PRKN: variants seen among roughly 807,000 people sequenced by gnomAD.
PRKN encodes the protein E3 ubiquitin-protein ligase parkin.
PRKN carries 56 observed loss-of-function variants against 59.5 expected under a neutral mutation model. The observed-to-expected ratio is 0.94, with a 90% confidence interval of 0.76 to 1.18. PRKN has a LOEUF of 1.18. PRKN is among the 50% of genes most tolerant of loss of function. The pLI, the probability that PRKN is intolerant of heterozygous loss-of-function variation, is 0.00. For synonymous variants in PRKN, 250 were observed against 222.1 expected, an observed-to-expected ratio of 1.13 and a Z score of -1.12; for missense variants, 657 against 596.4, an observed-to-expected ratio of 1.10 and a Z score of -1.06.
chr6:161,702,004 C>T (rs577288642), intron 7 of PRKN, among the ~76,000 whole-genome samples: 18 of 152,296 alleles, frequency 1.2e-4, no homozygotes, highest in Admixed American at 7.2e-4. Flanking sequence ...TGCACTTTTA[C>T]TTAGCTTATT....
chr6:161,389,740 C>A (rs1348919038), intron 9 of PRKN, among the ~76,000 whole-genome samples: 1 of 152,198 alleles, frequency 6.6e-6, no homozygotes, highest in Non-Finnish European at 1.5e-5. Flanking sequence ...CCACTGCTTT[C>A]TAGAGAAGCA....
chr6:162,659,939 TATC>T (rs1778813249), intron 1 of PRKN, among the ~76,000 whole-genome samples: 1 of 152,152 alleles, frequency 6.6e-6, no homozygotes, highest in Admixed American at 6.5e-5. Flanking sequence ...TTATTTGTCA[TATC>T]ATTATGAAAC....
At chr6:162,555,998 A>AAAAAAAAAAAAAC (rs1779552168) in intron 1 of PRKN, among the ~76,000 whole-genome samples, 1 of 151,340 alleles carries the variant, frequency 6.6e-6, no homozygotes, top group South Asian at 2.1e-4. Flanking sequence ...AAAAAAAAAA[A>AAAAAAAAAAAAAC]AGTGAGAAAA....
At chr6:162,326,744 T>C (rs1165889319) in intron 2 of PRKN, among the ~76,000 whole-genome samples, 1 of 152,170 alleles carries the variant, frequency 6.6e-6, no homozygotes, top group Non-Finnish European at 1.5e-5. Flanking sequence ...AACACTAATT[T>C]ACTGAACTTA....
chr6:162,200,146 C>T (rs1404227170), intron 4 of PRKN, among the ~76,000 whole-genome samples: 1 of 152,146 alleles, frequency 6.6e-6, no homozygotes, highest in East Asian at 1.9e-4. Flanking sequence ...TATTTACCCA[C>T]ACTTGCACAC....
In PRKN at chr6:161,766,314, A is replaced by ATTTTTT. The variant is rs758294050; in HGVS notation, c.871+19452_871+19457dup. Among the ~76,000 whole-genome samples the ATTTTTT allele has an allele frequency of 1.8e-4, 25 of 139,636 alleles. 3 individuals carry two copies. The highest frequency in any genetic ancestry group is 1.7e-4 in the Non-Finnish European group (11 of 65,008). 91.6% of individuals were successfully genotyped at this position (139,636 alleles called of 152,430 possible). On this transcript the variant is annotated intron_variant, in intron 7 of 11. Coordinates refer to ENST00000366898, the MANE Select transcript of PRKN (RefSeq NM_004562.3). ...ACTTATGCCTGCTGTCATTGACCAC[A>ATTTTTT]TTTTTTTTTTTTTAGACAGAGTCTC...
chr6:161,564,334 C>T, intron 8 of PRKN, among the ~76,000 whole-genome samples: 1 of 152,176 alleles, frequency 6.6e-6, no homozygotes, highest in East Asian at 1.9e-4. Context: ...CCTGTTCCAT[C>T]TCTCCAGGCT....
chr6:161,833,563 C>T (rs1385651244), intron 6 of PRKN, among the ~76,000 whole-genome samples: 4 of 152,206 alleles, frequency 2.6e-5, no homozygotes, highest in Middle Eastern at 3.4e-3. Flanking sequence ...TTCATTGGTG[C>T]GAACAATACC....
At chr6:161,685,598 T>G (rs980323485) in intron 7 of PRKN, among the ~76,000 whole-genome samples, 1 of 151,924 alleles carries the variant, frequency 6.6e-6, no homozygotes, top group Non-Finnish European at 1.5e-5. Context: ...TTTAAAAGAG[T>G]GTTTGGAGCT....
intron 7 of PRKN, among the ~76,000 whole-genome samples, chr6:161,604,273 C>T (rs1782200475): frequency 6.6e-6 from 1 of 152,104 alleles, no homozygotes; most frequent in South Asian, 2.1e-4. Flanking sequence ...AAAAAAAGCA[C>T]CTTCAAAACA....
chr6:162,541,927 C>T (rs1210221250), intron 1 of PRKN, among the ~76,000 whole-genome samples: 2 of 152,054 alleles, frequency 1.3e-5, no homozygotes, highest in Non-Finnish European at 1.5e-5. Flanking sequence ...TGAGTATGGG[C>T]GTCCTATGAC....
At chr6:161,660,189 TTGAA>T (rs1784492725) in intron 7 of PRKN, among the ~76,000 whole-genome samples, 1 of 152,172 alleles carries the variant, frequency 6.6e-6, no homozygotes, top group African/African-American at 2.4e-5. Flanking sequence ...ATGGCTCTGC[TTGAA>T]TGAAGTGGTT....
chr6:161,767,592 T>C (rs886745078), intron 7 of PRKN, among the ~76,000 whole-genome samples: 1 of 151,794 alleles, frequency 6.6e-6, no homozygotes, highest in African/African-American at 2.4e-5. Context: ...GCATTAACTA[T>C]TGTACTTCTG....
chr6:162,519,172 A>G (rs2128192985), intron 1 of PRKN, among the ~76,000 whole-genome samples: 1 of 152,326 alleles, frequency 6.6e-6, no homozygotes, highest in South Asian at 2.1e-4. Context: ...CTCCGTCTCA[A>G]AAAACAAACA....
chr6:162,647,784 AT>A (rs1429123098), intron 1 of PRKN, among the ~76,000 whole-genome samples: 1 of 151,660 alleles, frequency 6.6e-6, no homozygotes, highest in Non-Finnish European at 1.5e-5. Context: ...CAACCTCACA[AT>A]TTTCCCTACT....
At chr6:162,027,475 T>C (rs1270031631) in intron 5 of PRKN, among the ~76,000 whole-genome samples, 1 of 152,164 alleles carries the variant, frequency 6.6e-6, no homozygotes, top group Non-Finnish European at 1.5e-5. Flanking sequence ...TATATTCTTG[T>C]GTAGAAAAAC....
At chr6:161,786,683 C>T (rs185788900) in intron 6 of PRKN, among the ~76,000 whole-genome samples, 25 of 152,090 alleles carry the variant, frequency 1.6e-4, no homozygotes, top group African/African-American at 6.0e-4. Flanking sequence ...ATTACTATTG[C>T]ATCAAAGTAA....
At chr6:162,291,715 C>T (rs1781436555) in intron 2 of PRKN, among the ~76,000 whole-genome samples, 1 of 152,060 alleles carries the variant, frequency 6.6e-6, no homozygotes, top group Non-Finnish European at 1.5e-5. Context: ...TTCATTTTTA[C>T]CTTTAAAAAG....
chr6:161,596,444 C>G (rs1781915999), intron 7 of PRKN, among the ~76,000 whole-genome samples: 1 of 152,220 alleles, frequency 6.6e-6, no homozygotes, highest in South Asian at 2.1e-4. Context: ...AAACAATACT[C>G]TTCACAATAT....
Sources: gnomAD v4.1 joint callset for allele counts (sites outside exome capture counted in the v4.1 genomes callset) on GRCh38, gnomAD v4.1.1 for gene constraint, MANE v1.5 for transcripts, NCBI Gene and HGNC (gene_info 2026-07-23, HGNC 2026-07-21) for gene names.